NOL4: variants seen among roughly 807,000 people sequenced by gnomAD.
NOL4 encodes cancer/testis antigen 125.
Under a neutral mutation model 75.9 loss-of-function variants are expected in NOL4, and 17 were observed. The observed-to-expected ratio is 0.22, with a 90% CI of 0.15 to 0.34. NOL4 has a LOEUF of 0.34. NOL4 is among the 10% of genes least tolerant of loss of function. The probability of loss-of-function intolerance (pLI) is 1.00; values close to 1 mark genes in which losing one functional copy is unlikely to be tolerated. For missense variants in NOL4, 614 were observed against 793.5 expected, an observed-to-expected ratio of 0.77 and a Z score of 2.72; for synonymous variants, 292 against 289.9, an observed-to-expected ratio of 1.01 and a Z score of -0.07.
intron 10 of NOL4, among the ~76,000 whole-genome samples, chr18:33,855,388 A>C (rs953187576): frequency 1.3e-5 from 2 of 152,184 alleles, no homozygotes. Context: ...TGTTATAAAG[A>C]TGCTACATTT....
At chr18:34,117,339 T>G (rs1321619533) in intron 2 of NOL4, among the ~76,000 whole-genome samples, 7 of 152,220 alleles carry the variant, frequency 4.6e-5, no homozygotes, top group African/African-American at 1.7e-4. Flanking sequence ...TAACCACTGT[T>G]TTACAGCCAC....
At chr18:33,943,311 C>A in intron 8 of NOL4, 133 bp from the exon 9 acceptor site, 2 of 613,774 alleles carry the variant, frequency 3.3e-6, no homozygotes, top group Non-Finnish European at 5.7e-6. Flanking sequence ...GAACTTGTTT[C>A]AATAGAAAGA....
chr18:34,219,219 A>ATTATGCCTTT (rs1388359732), intron 1 of NOL4, among the ~76,000 whole-genome samples: 2 of 152,242 alleles, frequency 1.3e-5, no homozygotes, highest in Admixed American at 1.3e-4. Context: ...AATATATATA[A>ATTATGCCTTT]GAAAGGCATA....
chr18:33,968,777 T>C (rs2070809659), intron 6 of NOL4, among the ~76,000 whole-genome samples: 1 of 152,088 alleles, frequency 6.6e-6, no homozygotes, highest in Non-Finnish European at 1.5e-5. Context: ...GGGAATCTAA[T>C]TTTTTAAAAA....
At chr18:34,023,729 C>T (rs771421097) in intron 5 of NOL4, 5 of 253,854 alleles carry the variant, frequency 2.0e-5, no homozygotes, top group African/African-American at 8.7e-5. Flanking sequence ...AGTTGGACGT[C>T]GGGAGTTAAC....
intron 4 of NOL4, among the ~76,000 whole-genome samples, chr18:34,099,029 T>C (rs1468433439): frequency 6.6e-6 from 1 of 152,140 alleles, no homozygotes; most frequent in Admixed American, 6.5e-5. Context: ...TATTTGAACA[T>C]GTTTTGACAT....
chr18:33,976,774 C>G (rs2071519473), intron 6 of NOL4, among the ~76,000 whole-genome samples: 1 of 152,058 alleles, frequency 6.6e-6, no homozygotes, highest in Admixed American at 6.6e-5. Flanking sequence ...GTGATTTGAA[C>G]TCCCAGTAAT....
At chr18:34,151,553 A>AG (rs1194395296) in intron 1 of NOL4, among the ~76,000 whole-genome samples, 2 of 151,720 alleles carry the variant, frequency 1.3e-5, no homozygotes, top group African/African-American at 2.4e-5. Context: ...GCTTATGGGA[A>AG]GGGGGGGATT....
intron 9 of NOL4, among the ~76,000 whole-genome samples, chr18:33,902,907 T>C (rs570123052): frequency 3.8e-4 from 58 of 152,036 alleles, no homozygotes; most frequent in African/African-American, 1.4e-3. Context: ...ATTTTCTGTA[T>C]TGCTTTTAAA....
intron 10 of NOL4, among the ~76,000 whole-genome samples, chr18:33,873,699 A>G (rs755727665): frequency 6.6e-6 from 1 of 152,026 alleles, no homozygotes; most frequent in Non-Finnish European, 1.5e-5. Flanking sequence ...TCATCTATCC[A>G]TTTAATATTT....
chr18:33,999,374 T>C (rs1413496663), intron 6 of NOL4, among the ~76,000 whole-genome samples: 2 of 152,056 alleles, frequency 1.3e-5, no homozygotes, highest in Non-Finnish European at 2.9e-5. Flanking sequence ...AATGGTTACA[T>C]TGTTATTATG....
At chr18:34,055,998 C>T (rs57573517) in intron 5 of NOL4, among the ~76,000 whole-genome samples, 128,688 of 152,164 alleles carry the variant, frequency 0.85, 54,507 homozygotes, top group East Asian at 0.97. Context: ...TTCACTGATA[C>T]TCTCAATTTG....
chr18:34,195,867 GA>G lies in NOL4; in HGVS notation c.264+27122del, dbSNP rs570522562. 5.3e-5 allele frequency among the ~76,000 whole-genome samples: 8 copies of G among 152,214 alleles called. No individual in the cohort carries two copies. The South Asian group carries it at 1.7e-3, about 32-fold the overall frequency. On this transcript the variant is annotated intron_variant, in intron 1 of 10. Transcript: ENST00000261592. Reference sequence around the variant, plus strand: ...ATCATGACATTAGCATTAATGTATAGATGGAACAATCTTTTATTTTTAAGAA... The same window carrying G: ...ATCATGACATTAGCATTAATGTATAGTGGAACAATCTTTTATTTTTAAGAA...
intron 10 of NOL4, among the ~76,000 whole-genome samples, chr18:33,878,161 G>T (rs1021817233): frequency 4.6e-5 from 7 of 152,062 alleles, no homozygotes; most frequent in Non-Finnish European, 7.4e-5. Flanking sequence ...AGTCAGGAAG[G>T]ACTTTGGGAG....
At chr18:33,912,809 A>T (rs1428638120) in intron 9 of NOL4, among the ~76,000 whole-genome samples, 1 of 152,076 alleles carries the variant, frequency 6.6e-6, no homozygotes, top group African/African-American at 2.4e-5. Context: ...TCTATGCATT[A>T]GGTCCCCATT....
chr18:33,930,157 T>C (rs936837370), intron 9 of NOL4, among the ~76,000 whole-genome samples: 1 of 152,170 alleles, frequency 6.6e-6, no homozygotes, highest in Non-Finnish European at 1.5e-5. Context: ...AAGTCCATTG[T>C]AGATATTTAC....
chr18:34,170,126 T>C (rs1028473264), intron 1 of NOL4, among the ~76,000 whole-genome samples: 6 of 152,090 alleles, frequency 3.9e-5, no homozygotes, highest in Admixed American at 2.0e-4. Flanking sequence ...CATGTGGGTA[T>C]TGAGCCCTTG....
intron 2 of NOL4, among the ~76,000 whole-genome samples, chr18:34,107,663 C>T (rs1027814005): frequency 2.6e-5 from 4 of 151,484 alleles, no homozygotes; most frequent in African/African-American, 9.7e-5. Context: ...AAATATTTCT[C>T]CTGCAACGCA....
intron 5 of NOL4, among the ~76,000 whole-genome samples, chr18:34,054,032 G>C (rs2145016918): frequency 6.6e-6 from 1 of 152,024 alleles, no homozygotes; most frequent in South Asian, 2.1e-4. Context: ...TCACATACTT[G>C]TAAGTGATGC....
Sources: gnomAD v4.1 joint callset for allele counts (sites outside exome capture counted in the v4.1 genomes callset) on GRCh38, gnomAD v4.1.1 for gene constraint, MANE v1.5 for transcripts, NCBI Gene and HGNC (gene_info 2026-07-23, HGNC 2026-07-21) for gene names.